PSD3: variants seen among roughly 807,000 people sequenced by gnomAD.
PSD3 encodes the protein pleckstrin and Sec7 domain containing 3.
A neutral mutation model predicts 105.5 loss-of-function variants in PSD3; 49 were observed. The ratio of observed to expected loss-of-function variants is 0.46; its 90% CI spans 0.37 to 0.59. The LOEUF is 0.59. PSD3 is among the 20% of genes least tolerant of loss of function. PSD3 has a pLI of 0.00. For synonymous variants in PSD3, 557 were observed against 457.8 expected (o/e 1.22, Z -2.77); for missense variants, 1,561 against 1,263.8 (o/e 1.24, Z -3.57).
intron 1 of PSD3, among the ~76,000 whole-genome samples, chr8:18,961,304 C>T (rs1260659174): frequency 6.6e-6 from 1 of 152,156 alleles, no homozygotes; most frequent in East Asian, 1.9e-4. Flanking sequence ...CAGTTACTAA[C>T]ACAATGACAC....
At chr8:18,568,806 C>A (rs1187597119) in intron 14 of PSD3, among the ~76,000 whole-genome samples, 1 of 151,852 alleles carries the variant, frequency 6.6e-6, no homozygotes, top group African/African-American at 2.4e-5. Flanking sequence ...GCTGCACCCA[C>A]TAACTCGTCA....
At chr8:18,593,268 A>G (rs1184167068) in intron 12 of PSD3, among the ~76,000 whole-genome samples, 1 of 152,214 alleles carries the variant, frequency 6.6e-6, no homozygotes, top group Admixed American at 6.5e-5. Context: ...AACTCAAACA[A>G]ATTTACAAGA....
chr8:18,682,710 C>T (rs1322698349), intron 9 of PSD3, among the ~76,000 whole-genome samples: 2 of 152,124 alleles, frequency 1.3e-5, no homozygotes, highest in South Asian at 2.1e-4. Context: ...TGCCACCTGT[C>T]CCCTGCCATA....
intron 4 of PSD3, among the ~76,000 whole-genome samples, chr8:18,843,996 A>T (rs900417185): frequency 1.3e-5 from 2 of 151,890 alleles, no homozygotes; most frequent in Non-Finnish European, 2.9e-5. Context: ...ATCCTGATTT[A>T]AAAAAACAAG....
At chr8:19,005,026 G>T (rs1004613709) in intron 1 of PSD3, among the ~76,000 whole-genome samples, 12 of 152,002 alleles carry the variant, frequency 7.9e-5, no homozygotes, top group Non-Finnish European at 1.5e-4. Flanking sequence ...GTGTGAAAAT[G>T]GACGAATACG....
At chr8:18,773,100 T>C (rs1293154208) in intron 8 of PSD3, among the ~76,000 whole-genome samples, 2 of 152,292 alleles carry the variant, frequency 1.3e-5, no homozygotes, top group East Asian at 3.9e-4. Flanking sequence ...GCACATACAA[T>C]AACGTGATGT....
rs1799639844 is a variant in PSD3 at position 18,531,693 on chromosome 8, C to T, written c.*4050G>A. On this transcript the variant is annotated 3_prime_UTR_variant, in exon 16 of 16. Transcript: ENST00000327040. The stretch of plus-strand genomic sequence containing the variant: ...ATTTTCTGTCAGAATAACTTAGATG[C>T]TTTGAGACAAAAGCAGATACTATTT... 1 of 152,216 alleles carries T rather than the reference C, an allele frequency of 6.6e-6. No homozygotes were observed. The highest frequency in any genetic ancestry group is 6.5e-5 in the Admixed American group (1 of 15,288). The allele number at this position is 152,216 out of a possible 1,614,324, so 9.4% of individuals were successfully genotyped here.
intron 9 of PSD3, among the ~76,000 whole-genome samples, chr8:18,658,186 T>C (rs867722317): frequency 6.6e-6 from 1 of 152,220 alleles, no homozygotes; most frequent in South Asian, 2.1e-4. Flanking sequence ...ACAGTGGGTG[T>C]CATCCCTATT....
At chr8:18,684,140 G>C in intron 9 of PSD3, 2 of 461,728 alleles carry the variant, frequency 4.3e-6, no homozygotes, top group East Asian at 3.6e-5. Flanking sequence ...TCCAGGCACA[G>C]CTCACGTCAC....
intron 4 of PSD3, among the ~76,000 whole-genome samples, chr8:18,841,710 T>A (rs1270752390): frequency 1.3e-5 from 2 of 152,204 alleles, no homozygotes; most frequent in South Asian, 2.1e-4. Flanking sequence ...TCAAGAGACC[T>A]CCATCTGGCG....
chr8:18,951,782 C>T lies in PSD3; in HGVS notation c.22-15640G>A, dbSNP rs28483246. On this transcript the variant is annotated intron_variant, in intron 1 of 15. Coordinates refer to ENST00000327040, the MANE Select transcript of PSD3 (RefSeq NM_015310.4). ...GGTGGATCACCTGAGGTCAGGAGTT[C>T]GAGACCAACCTGCCAAACATGGTGA... is the stretch of plus-strand genomic sequence containing the variant. Among the ~76,000 whole-genome samples, 727 of 152,042 alleles carry T rather than the reference C, an allele frequency of 4.8e-3. 5 individuals carry two copies. The highest frequency in any genetic ancestry group is 0.017 in the African/African-American group (705 of 41,456).
chr8:18,779,459 T>A (rs1446797069), intron 8 of PSD3, among the ~76,000 whole-genome samples: 1 of 152,166 alleles, frequency 6.6e-6, no homozygotes, highest in Non-Finnish European at 1.5e-5. Context: ...AGTTCTGCTC[T>A]GACTTTATTA....
chr8:18,557,846 A>C (rs1801171140), intron 14 of PSD3, among the ~76,000 whole-genome samples: 1 of 152,256 alleles, frequency 6.6e-6, no homozygotes, highest in Non-Finnish European at 1.5e-5. Flanking sequence ...ACTTTCAGGC[A>C]AGGAGACTAT....
At chr8:18,951,099 G>C (rs775304085) in intron 1 of PSD3, among the ~76,000 whole-genome samples, 4 of 152,080 alleles carry the variant, frequency 2.6e-5, no homozygotes, top group Non-Finnish European at 5.9e-5. Context: ...GTATACAACA[G>C]AGCCCTCAAA....
chr8:18,573,482 T>C (rs1241588169), intron 13 of PSD3, among the ~76,000 whole-genome samples: 1 of 152,044 alleles, frequency 6.6e-6, no homozygotes, highest in African/African-American at 2.4e-5. Flanking sequence ...AAAGAAAACA[T>C]ACAGATACAC....
rs138420321 is a variant in PSD3, at chr8:18,677,738, A to G, written c.2173-22053T>C. 5.4e-3 allele frequency among the ~76,000 whole-genome samples: 830 copies of G among 152,318 alleles called. 10 individuals are homozygous for G. Among genetic ancestry groups the G allele is most frequent in the African/African-American group, 0.019 (791 of 41,578 alleles). ...AAACATTAGAACATGTTGACTGGGC[A>G]CGGTGGCTTACGCCTGTAATCTCAG... On this transcript the variant is annotated intron_variant, in intron 9 of 15. Coordinates refer to ENST00000327040, the MANE Select transcript of PSD3 (RefSeq NM_015310.4).
intron 9 of PSD3, among the ~76,000 whole-genome samples, chr8:18,758,653 C>A (rs1222220177): frequency 6.6e-6 from 1 of 152,016 alleles, no homozygotes; most frequent in Non-Finnish European, 1.5e-5. Flanking sequence ...CAAAAAGATG[C>A]ATTAATCTTT....
chr8:18,541,200 A>G (rs993819801), intron 15 of PSD3, among the ~76,000 whole-genome samples: 4 of 151,286 alleles, frequency 2.6e-5, no homozygotes, highest in Admixed American at 1.3e-4. Context: ...TTGCCCCCCA[A>G]TACTAGATAC....
At chr8:18,539,605 T>G (rs1234438) in intron 15 of PSD3, among the ~76,000 whole-genome samples, 1 of 149,242 alleles carries the variant, frequency 6.7e-6, no homozygotes, top group Non-Finnish European at 1.5e-5. Context: ...TGGAGGGCAG[T>G]GGCGCGATCT....
Sources: allele counts gnomAD v4.1 joint callset (sites outside exome capture counted in the v4.1 genomes callset), GRCh38; gene constraint gnomAD v4.1.1; transcripts MANE v1.5; gene names NCBI Gene and HGNC (gene_info 2026-07-23, HGNC 2026-07-21).